The following PXDNL variants were observed in gnomAD, a reference collection of about 807,000 sequenced individuals.
PXDNL encodes the protein peroxidasin like.
Under a neutral mutation model 150.8 loss-of-function variants are expected in PXDNL, and 145 were observed. The observed-to-expected ratio is 0.96, with a 90% CI of 0.84 to 1.10. PXDNL has a LOEUF of 1.10. PXDNL is among the 50% of genes least tolerant of loss of function. The probability of loss-of-function intolerance (pLI) is 0.00; values close to 1 mark genes in which losing one functional copy is unlikely to be tolerated. For synonymous variants in PXDNL, 757 were observed against 725.7 expected, an observed-to-expected ratio of 1.04 and a Z score of -0.69; for missense variants, 2,087 against 1,873.9, an observed-to-expected ratio of 1.11 and a Z score of -2.10.
chr8:51,411,967 T>A (rs1345802921), intron 15 of PXDNL, among the ~76,000 whole-genome samples: 1 of 152,222 alleles, frequency 6.6e-6, no homozygotes, highest in Non-Finnish European at 1.5e-5. Flanking sequence ...GTACTTGAAT[T>A]GCTGACATAT....
At chr8:51,371,774 G>T in intron 19 of PXDNL, 99 bp downstream of exon 19, 4 of 1,093,666 alleles carry the variant, frequency 3.7e-6, no homozygotes, top group Admixed American at 2.1e-5. Flanking sequence ...GGCTTTTTGC[G>T]TATCTTTCTT....
rs749802319 is a variant in PXDNL, at chr8:51,320,878, C to T, written c.4166G>A (p.Arg1389His). ...ATCTGTACACCCTGCCTGCCTCAGG[C>T]GTGCCTCCAGCTTGTTTATCTGAAA... Reference protein sequence around the residue: ...LREQINKLEARLRQAGCTDVR... With the variant: ...LREQINKLEAHLRQAGCTDVR... The change falls in exon 22 of 23, where the codon CGC becomes CAC. Residue 1389 changes from arginine to histidine, a missense_variant. Coordinates refer to ENST00000356297, the MANE Select transcript of PXDNL (RefSeq NM_144651.5). 3.1e-6 allele frequency: 5 copies of T among 1,613,434 alleles called. No individual in the cohort carries two copies. The highest frequency in any genetic ancestry group is 1.7e-5 in the Admixed American group (1 of 59,974).
chr8:51,726,957 G>T (rs1816827251), intron 1 of PXDNL, among the ~76,000 whole-genome samples: 1 of 152,152 alleles, frequency 6.6e-6, no homozygotes, highest in African/African-American at 2.4e-5. Flanking sequence ...TTCAAGAAAG[G>T]CTCTATCATC....
rs1163628780 is a variant in PXDNL, at chr8:51,350,354, C to CTTTTTTTTTTTTTTTT, written c.3902-4423_3902-4408dup. Among the ~76,000 whole-genome samples the CTTTTTTTTTTTTTTTT allele has an allele frequency of 1.7e-3, 136 of 77,880 alleles. 4 individuals carry two copies. The highest frequency in any genetic ancestry group is 0.012 in the Middle Eastern group (1 of 86). The allele number at this position is 77,880 out of a possible 152,430, so 51.1% of individuals were successfully genotyped here. A position where few individuals can be genotyped will look rare whatever the true frequency, so the allele number is the denominator to read the frequency against. ...AGTCTTTTATTAGCAAATGCAGCTTCTTTTTTTTTTTTTTTTTTTTTTGAG... is the reference window on the plus strand; with the variant it reads ...AGTCTTTTATTAGCAAATGCAGCTTCTTTTTTTTTTTTTTTTTTTTTTTTTTTTTTTTTTTTTTGAG... On this transcript the variant is annotated intron_variant, in intron 19 of 22. Coordinates refer to ENST00000356297, the MANE Select transcript of PXDNL (RefSeq NM_144651.5).
intron 21 of PXDNL, among the ~76,000 whole-genome samples, chr8:51,327,808 C>T (rs1422795504): frequency 6.6e-6 from 1 of 152,184 alleles, no homozygotes; most frequent in Non-Finnish European, 1.5e-5. Context: ...AAAAATTGGA[C>T]ACACTGAAAA....
intron 1 of PXDNL, among the ~76,000 whole-genome samples, chr8:51,736,590 T>C (rs1057322242): frequency 6.6e-6 from 1 of 152,210 alleles, no homozygotes; most frequent in Non-Finnish European, 1.5e-5. Flanking sequence ...AAAACCTGCT[T>C]GTAACAAAGG....
chr8:51,450,987 G>T (rs1434522619), intron 10 of PXDNL, among the ~76,000 whole-genome samples: 1 of 152,064 alleles, frequency 6.6e-6, no homozygotes, highest in Admixed American at 6.6e-5. Context: ...TTAAAAAATA[G>T]ATTCATGACA....
chr8:51,362,663 T>C (rs1806793012), intron 19 of PXDNL, among the ~76,000 whole-genome samples: 1 of 152,214 alleles, frequency 6.6e-6, no homozygotes, highest in Non-Finnish European at 1.5e-5. Context: ...TTTTCTTGTT[T>C]GGCCTGGGAG....
chr8:51,419,669 C>G (rs1437470889), intron 14 of PXDNL, among the ~76,000 whole-genome samples: 1 of 152,160 alleles, frequency 6.6e-6, no homozygotes, highest in Non-Finnish European at 1.5e-5. Flanking sequence ...CTATACTTCA[C>G]AGCACTTACC....
intron 3 of PXDNL, among the ~76,000 whole-genome samples, chr8:51,578,022 G>GGA (rs1813120542): frequency 1.6e-5 from 2 of 121,904 alleles, no homozygotes; most frequent in African/African-American, 7.5e-5. Context: ...AGGAAGGAAG[G>GGA]AAGGAAGGAA....
intron 12 of PXDNL, among the ~76,000 whole-genome samples, chr8:51,429,405 C>T (rs1809195921): frequency 6.6e-6 from 1 of 152,112 alleles, no homozygotes; most frequent in Non-Finnish European, 1.5e-5. Context: ...CATGGTGAAA[C>T]CCTGTCTCTA....
intron 5 of PXDNL, among the ~76,000 whole-genome samples, chr8:51,487,632 T>TA (rs1280601642): frequency 1.3e-5 from 2 of 152,298 alleles, no homozygotes; most frequent in East Asian, 3.9e-4. Context: ...ATGGCTCCAC[T>TA]AAATGTGCTT....
At chr8:51,681,035 GCTAA>G (rs1450187168) in intron 1 of PXDNL, among the ~76,000 whole-genome samples, 3 of 152,068 alleles carry the variant, frequency 2.0e-5, no homozygotes, top group African/African-American at 2.4e-5. Flanking sequence ...AGAAGAGAGA[GCTAA>G]CTGTCACCCC....
intron 2 of PXDNL, among the ~76,000 whole-genome samples, chr8:51,609,985 C>G (rs1035456335): frequency 5.3e-5 from 8 of 151,902 alleles, no homozygotes; most frequent in African/African-American, 2.4e-5. Flanking sequence ...TGAAGGAGAT[C>G]AAGTTGCAAG....
intron 1 of PXDNL, among the ~76,000 whole-genome samples, chr8:51,728,067 T>C (rs2130928882): frequency 6.6e-6 from 1 of 152,358 alleles, no homozygotes; most frequent in South Asian, 2.1e-4. Flanking sequence ...CAGTCAGTGA[T>C]GGACCACATA....
At chr8:51,641,920 A>G (rs1361316545) in intron 2 of PXDNL, among the ~76,000 whole-genome samples, 4 of 152,218 alleles carry the variant, frequency 2.6e-5, no homozygotes, top group African/African-American at 7.2e-5. Flanking sequence ...TGTTTATTGC[A>G]GCTCTATTCA....
chr8:51,653,743 C>T (rs968009869), intron 2 of PXDNL, among the ~76,000 whole-genome samples: 1 of 152,150 alleles, frequency 6.6e-6, no homozygotes, highest in Non-Finnish European at 1.5e-5. Flanking sequence ...GTTAGAAGGG[C>T]TAGCTTGGCC....
intron 3 of PXDNL, among the ~76,000 whole-genome samples, chr8:51,566,940 G>T (rs1425548992): frequency 6.6e-6 from 1 of 151,022 alleles, no homozygotes; most frequent in Non-Finnish European, 1.5e-5. Flanking sequence ...TACCTCTAAG[G>T]ACTGCTTTAA....
chr8:51,434,685 A>G (rs917110359), intron 12 of PXDNL, among the ~76,000 whole-genome samples: 21 of 152,342 alleles, frequency 1.4e-4, no homozygotes, highest in African/African-American at 5.1e-4. Context: ...GACACTATGA[A>G]TTCTAGTATG....
Sources: allele counts gnomAD v4.1 joint callset (sites outside exome capture counted in the v4.1 genomes callset), GRCh38; gene constraint gnomAD v4.1.1; transcripts MANE v1.5; gene names NCBI Gene and HGNC (gene_info 2026-07-23, HGNC 2026-07-21).